The following ADAMTS20 variants were observed in gnomAD, a reference collection of about 807,000 sequenced individuals.
ADAMTS20 encodes the protein A disintegrin and metalloproteinase with thrombospondin motifs 20.
ADAMTS20 carries 225 observed loss-of-function variants against 260.1 expected under a neutral mutation model. The ratio of observed to expected loss-of-function variants is 0.87; its 90% CI spans 0.78 to 0.97. The LOEUF is 0.97. Ranked by LOEUF, ADAMTS20 falls within the 50% of genes least tolerant of loss-of-function variation. The pLI is 0.00. For synonymous variants in ADAMTS20, 802 were observed against 769.5 expected (o/e 1.04, Z -0.70); for missense variants, 2,400 against 2,337.7 (o/e 1.03, Z -0.55).
chr12:43,513,966 C>G lies in ADAMTS20; in HGVS notation c.614-11561G>C, dbSNP rs541176817. ...AGGAGATATACCTAATGTTAAATGA[C>G]GAGTTAATGGGTGCAGCACACCAAC... On this transcript the variant is annotated intron_variant, in intron 3 of 38. Coordinates refer to ENST00000389420, the MANE Select transcript of ADAMTS20 (RefSeq NM_025003.5). Among the ~76,000 whole-genome samples the G allele has an allele frequency of 3.3e-5, 5 of 150,194 alleles. No homozygotes were observed. The East Asian group carries it at 9.9e-4, about 30-fold the overall frequency.
In ADAMTS20 at chr12:43,439,921, T is replaced by G; in HGVS notation, c.2439A>C (p.Arg813=). Residue 813 remains arginine (R), a synonymous_variant, in exon 17 of 39, where the codon CGA becomes CGC. Transcript: ENST00000389420. ...CCTGCAAAATAAGTTCTTTCTCTTG[T>G]CGATTAGTACTATTAATTCTTTCAA... ...NAVERINSTN[R]QEKELILQVL... The G allele has an allele frequency of 6.2e-7, 1 of 1,606,082 alleles. No individual in the cohort carries two copies. Among genetic ancestry groups the G allele is most frequent in the Non-Finnish European group, 8.5e-7 (1 of 1,175,840 alleles).
chr12:43,480,526 T>TCCATAATTTCCATAA (rs1352011993), intron 7 of ADAMTS20, among the ~76,000 whole-genome samples: 3 of 152,192 alleles, frequency 2.0e-5, no homozygotes, highest in Non-Finnish European at 4.4e-5. Context: ...ATAATGGCTG[T>TCCATAATTTCCATAA]AGTAATTTAC....
intron 27 of ADAMTS20, 128 bp downstream of exon 27, chr12:43,427,179 CA>C (rs1002451560): frequency 5.3e-5 from 60 of 1,130,056 alleles, no homozygotes; most frequent in East Asian, 1.4e-4. Flanking sequence ...TCTCCAAAAA[CA>C]AAAAAAACAA....
At chr12:43,505,635 AAGAG>A (rs1942830680) in intron 3 of ADAMTS20, among the ~76,000 whole-genome samples, 1 of 152,204 alleles carries the variant, frequency 6.6e-6, no homozygotes, top group South Asian at 2.1e-4. Flanking sequence ...AACAGAGAGA[AAGAG>A]AGAATAACAA....
At chr12:43,374,249 T>C (rs1321911686) in intron 36 of ADAMTS20, among the ~76,000 whole-genome samples, 1 of 152,116 alleles carries the variant, frequency 6.6e-6, no homozygotes, top group African/African-American at 2.4e-5. Context: ...TTAATAATAA[T>C]GGTTCATAAT....
chr12:43,536,673 A>C (rs1340674178), intron 2 of ADAMTS20, among the ~76,000 whole-genome samples: 2 of 152,170 alleles, frequency 1.3e-5, no homozygotes, highest in African/African-American at 4.8e-5. Flanking sequence ...AAAGGCCTAG[A>C]GATGAAAAAG....
chr12:43,471,893 G>C (rs1240570379), intron 7 of ADAMTS20, among the ~76,000 whole-genome samples: 1 of 136,862 alleles, frequency 7.3e-6, no homozygotes, highest in Admixed American at 7.5e-5. Flanking sequence ...GGAAAAAACA[G>C]AACAGAAAAA....
In ADAMTS20 at chr12:43,462,943, G is replaced by A; in HGVS notation, c.1566C>T (p.Phe522=). ...TSTEKLHKGC[F]TQHVPPADGT... Reference sequence around the variant, plus strand: ...CATCTGCTGGTGGCACGTGTTGAGTGAAACAGCCTTTGTGAAGCTTTTCTG... The same window carrying A: ...CATCTGCTGGTGGCACGTGTTGAGTAAAACAGCCTTTGTGAAGCTTTTCTG... Residue 522 remains phenylalanine, a synonymous_variant, in exon 11 of 39, where the codon TTC becomes TTT. Transcript: ENST00000389420. The A allele has an allele frequency of 6.2e-7, 1 of 1,609,798 alleles. No individual in the cohort carries two copies. The highest frequency in any genetic ancestry group is 8.5e-7 in the Non-Finnish European group (1 of 1,177,938).
At chr12:43,376,708 A>C (rs1940238101) in intron 32 of ADAMTS20, 55 bp from the exon 33 acceptor site, 14 of 1,552,884 alleles carry the variant, frequency 9.0e-6, no homozygotes, top group Non-Finnish European at 1.2e-5. Context: ...TAAGGCCATA[A>C]AATCCAAGTC....
At chr12:43,504,785 A>G (rs1942817969) in intron 3 of ADAMTS20, among the ~76,000 whole-genome samples, 1 of 152,180 alleles carries the variant, frequency 6.6e-6, no homozygotes, top group African/African-American at 2.4e-5. Context: ...AATTTCAGGT[A>G]TCTTTAGGTG....
At chr12:43,400,839 C>T (rs1370976633) in intron 28 of ADAMTS20, among the ~76,000 whole-genome samples, 1 of 151,856 alleles carries the variant, frequency 6.6e-6, no homozygotes, top group African/African-American at 2.4e-5. Context: ...TAAATTGTTA[C>T]TTTTTGAACA....
chr12:43,511,481 C>G (rs932645375), intron 3 of ADAMTS20, among the ~76,000 whole-genome samples: 16 of 150,726 alleles, frequency 1.1e-4, no homozygotes, highest in Non-Finnish European at 1.9e-4. Context: ...AGTAAATGTT[C>G]GTGGAAAGAA....
Position 43,354,067 on chromosome 12 carries a change from C to T in ADAMTS20, c.*142G>A. 3.9e-6 allele frequency: 2 copies of T among 517,368 alleles called. No individual in the cohort carries two copies. The highest frequency in any genetic ancestry group is 6.7e-6 in the Non-Finnish European group (2 of 299,890). 32.0% of individuals were successfully genotyped at this position (517,368 alleles called of 1,614,324 possible). On this transcript the variant is annotated 3_prime_UTR_variant, in exon 39 of 39. Coordinates refer to ENST00000389420, the MANE Select transcript of ADAMTS20 (RefSeq NM_025003.5). The stretch of plus-strand genomic sequence containing the variant: ...ACCTTATTAAGCAGTGATTTGAATC[C>T]CTGATGAGCACCCTGAAAAAAAGGC...
At chr12:43,545,028 A>C (rs1017389225) in intron 2 of ADAMTS20, among the ~76,000 whole-genome samples, 1 of 152,146 alleles carries the variant, frequency 6.6e-6, no homozygotes, top group Admixed American at 6.5e-5. Flanking sequence ...TTGTCTCCAG[A>C]CATTGCCAAA....
At chr12:43,394,646 G>A (rs769290542) in intron 29 of ADAMTS20, among the ~76,000 whole-genome samples, 1 of 152,024 alleles carries the variant, frequency 6.6e-6, no homozygotes, top group African/African-American at 2.4e-5. Context: ...GTGCAGTGAC[G>A]GCCTGAAATT....
At chr12:43,470,301 T>C (rs1326416829) in intron 7 of ADAMTS20, among the ~76,000 whole-genome samples, 2 of 152,228 alleles carry the variant, frequency 1.3e-5, no homozygotes, top group Non-Finnish European at 2.9e-5. Context: ...TTTAGCACTA[T>C]GCAGATATTT....
At chr12:43,507,865 C>T (rs1054400268) in intron 3 of ADAMTS20, among the ~76,000 whole-genome samples, 3 of 152,098 alleles carry the variant, frequency 2.0e-5, no homozygotes, top group African/African-American at 7.2e-5. Flanking sequence ...AGGCCATTAT[C>T]CTTAACAATC....
rs1206400965 is a variant in ADAMTS20, at chr12:43,513,732, T to A, written c.614-11327A>T. On this transcript the variant is annotated intron_variant, in intron 3 of 38. Coordinates refer to ENST00000389420, the MANE Select transcript of ADAMTS20 (RefSeq NM_025003.5). ...TACACCATGGAATACTATGCAGCCA[T>A]AAAAAATGATGAGTTCGTGTCCTTT... is the stretch of plus-strand genomic sequence containing the variant. Among the ~76,000 whole-genome samples the A allele has an allele frequency of 2.0e-5, 3 of 151,954 alleles. No homozygotes were observed. In the East Asian group the frequency reaches 5.8e-4, roughly 29 times the overall value.
chr12:43,412,967 C>A (rs921722759), intron 28 of ADAMTS20, among the ~76,000 whole-genome samples: 23 of 151,808 alleles, frequency 1.5e-4, no homozygotes, highest in African/African-American at 5.3e-4. Flanking sequence ...CGCACCACTA[C>A]CCCCAGCTAA....
Sources: allele counts gnomAD v4.1 joint callset (sites outside exome capture counted in the v4.1 genomes callset), GRCh38; gene constraint gnomAD v4.1.1; transcripts MANE v1.5; gene names NCBI Gene and HGNC (gene_info 2026-07-23, HGNC 2026-07-21).